Variants in CATSPER3 observed in about 807,000 individuals in gnomAD.
CATSPER3 encodes cation channel sperm-associated protein 3.
Under a neutral mutation model 36.6 loss-of-function variants are expected in CATSPER3, and 23 were observed. The ratio of observed to expected loss-of-function variants is 0.63; its 90% CI spans 0.45 to 0.89. The LOEUF (loss-of-function observed/expected upper bound fraction) is 0.89, where lower values mean the gene tolerates loss of function less well. Ranked by LOEUF, CATSPER3 falls within the 40% of genes least tolerant of loss-of-function variation. The pLI is 0.00. For missense variants in CATSPER3, 474 were observed against 503.9 expected (o/e 0.94, Z 0.57); for synonymous variants, 172 against 184.1 (o/e 0.93, Z 0.53).
At chr5:135,003,090 A>T (rs962262878) in intron 3 of CATSPER3, among the ~76,000 whole-genome samples, 1 of 151,906 alleles carries the variant, frequency 6.6e-6, no homozygotes, top group East Asian at 1.9e-4. Flanking sequence ...GGTTTTATCT[A>T]CCTTTGGTCT....
chr5:134,993,171 T>C (rs1751899237), intron 2 of CATSPER3, among the ~76,000 whole-genome samples: 1 of 152,186 alleles, frequency 6.6e-6, no homozygotes, highest in African/African-American at 2.4e-5. Context: ...GAATGAACCT[T>C]GGAAACATTC....
chr5:134,978,190 T>G (rs573966452), intron 2 of CATSPER3, among the ~76,000 whole-genome samples: 18 of 152,162 alleles, frequency 1.2e-4, no homozygotes, highest in Non-Finnish European at 2.1e-4. Context: ...GGTTGGTTAA[T>G]GAGGTACAAA....
intron 2 of CATSPER3, among the ~76,000 whole-genome samples, chr5:134,980,382 C>T (rs1471175810): frequency 6.8e-6 from 1 of 147,684 alleles, no homozygotes; most frequent in Non-Finnish European, 1.5e-5. Flanking sequence ...CCTTCCCTCC[C>T]TCCTTCCCTC....
intron 2 of CATSPER3, among the ~76,000 whole-genome samples, chr5:134,974,951 G>C (rs1228026309): frequency 3.3e-5 from 5 of 152,100 alleles, no homozygotes; most frequent in Non-Finnish European, 7.4e-5. Context: ...ATGTATCCTG[G>C]TTTAGGGACC....
intron 3 of CATSPER3, among the ~76,000 whole-genome samples, chr5:135,006,622 G>C (rs1167639463): frequency 6.6e-6 from 1 of 152,004 alleles, no homozygotes. Flanking sequence ...GGATCACGAG[G>C]TCGGGAGATC....
At chr5:134,999,979 C>G (rs1486335137) in intron 3 of CATSPER3, among the ~76,000 whole-genome samples, 1 of 152,174 alleles carries the variant, frequency 6.6e-6, no homozygotes, top group Non-Finnish European at 1.5e-5. Flanking sequence ...GCATCCCTGT[C>G]TTGTGCCAGT....
At chr5:134,988,960 A>G (rs1181648785) in intron 2 of CATSPER3, among the ~76,000 whole-genome samples, 1 of 152,216 alleles carries the variant, frequency 6.6e-6, no homozygotes, top group Non-Finnish European at 1.5e-5. Context: ...AAAAGTTGAA[A>G]TGACTCCTTG....
chr5:134,995,991 G>A, intron 2 of CATSPER3: 1 of 500,122 alleles, frequency 2.0e-6, no homozygotes, highest in South Asian at 2.1e-5. Context: ...TTGAGTTGCA[G>A]TATGCTAGAG....
chr5:135,003,945 G>C (rs909336644), intron 3 of CATSPER3, among the ~76,000 whole-genome samples: 37 of 152,216 alleles, frequency 2.4e-4, no homozygotes, highest in African/African-American at 8.9e-4. Context: ...CACTCAGTGG[G>C]CTCCACCCAC....
intron 2 of CATSPER3, among the ~76,000 whole-genome samples, chr5:134,987,636 G>T (rs1448346414): frequency 1.3e-5 from 2 of 152,108 alleles, no homozygotes; most frequent in Non-Finnish European, 2.9e-5. Context: ...TTTATCTCAA[G>T]AAAGCAAGGG....
rs527995985 is a variant in CATSPER3 at position 134,996,651 on chromosome 5, A to G, written c.492+139A>G. 4.5e-5 allele frequency: 34 copies of G among 750,188 alleles called. No individual in the cohort carries two copies. The Middle Eastern group carries it at 1.6e-3, about 35-fold the overall frequency. 46.5% of individuals were successfully genotyped at this position (750,188 alleles called of 1,614,324 possible). A position where few individuals can be genotyped will look rare whatever the true frequency, so the allele number is the denominator to read the frequency against. On this transcript the variant is annotated intron_variant, in intron 3 of 7. Coordinates refer to ENST00000282611, the MANE Select transcript of CATSPER3 (RefSeq NM_178019.3). ...GTGTGTGGCAGGTTGATCTTTACCA[A>G]TATTATCTCATTTAATCTTAAAACA...
chr5:134,999,624 C>G (rs904741909), intron 3 of CATSPER3, among the ~76,000 whole-genome samples: 3 of 152,210 alleles, frequency 2.0e-5, no homozygotes, highest in Non-Finnish European at 2.9e-5. Context: ...AAGTCCTTCA[C>G]ATCCCTTGTA....
intron 2 of CATSPER3, among the ~76,000 whole-genome samples, chr5:134,989,413 T>G (rs1280660372): frequency 2.6e-5 from 4 of 152,244 alleles, no homozygotes; most frequent in African/African-American, 4.8e-5. Context: ...TTTATCTACT[T>G]TGCACATTGA....
At chr5:135,008,693 A>T (rs1386780015) in intron 4 of CATSPER3, 148 bp from the exon 5 acceptor site, 7 of 719,072 alleles carry the variant, frequency 9.7e-6, no homozygotes, top group Non-Finnish European at 1.5e-5. Flanking sequence ...TATGTGCTGG[A>T]GCCAGTGGAC....
At chr5:134,970,420 A>G (rs1751588865) in intron 2 of CATSPER3, among the ~76,000 whole-genome samples, 1 of 152,014 alleles carries the variant, frequency 6.6e-6, no homozygotes, top group African/African-American at 2.4e-5. Context: ...CAGCCTCCCA[A>G]AATGCTGGGA....
chr5:135,006,847 AAAAT>A (rs1157989057), intron 3 of CATSPER3, among the ~76,000 whole-genome samples: 3 of 113,576 alleles, frequency 2.6e-5, no homozygotes, highest in Non-Finnish European at 5.8e-5. Context: ...AAAAAAAAAA[AAAAT>A]AATAATAATA....
intron 2 of CATSPER3, among the ~76,000 whole-genome samples, chr5:134,990,068 T>G (rs1353399071): frequency 2.0e-5 from 3 of 152,186 alleles, no homozygotes; most frequent in Non-Finnish European, 2.9e-5. Flanking sequence ...TTCATTGAGT[T>G]TGCTGTATTA....
chr5:134,968,005 G>A lies in CATSPER3; in HGVS notation c.14G>A (p.Arg5His), dbSNP rs768955658. MSQH[R>H]HQRHSRVISS... ...AAAATTTGGAAAATGTCTCAACACCGTCACCAGCGCCACTCGAGAGTCATT... is the reference window on the plus strand; with the variant it reads ...AAAATTTGGAAAATGTCTCAACACCATCACCAGCGCCACTCGAGAGTCATT... Residue 5 changes from arginine (R) to histidine (H), a missense_variant, in exon 1 of 8, where the codon CGT (arginine) becomes CAT (histidine). Arg to His is a conservative substitution (Grantham distance 29). Coordinates refer to ENST00000282611, the MANE Select transcript of CATSPER3 (RefSeq NM_178019.3). 1.2e-4 allele frequency: 193 copies of A among 1,613,604 alleles called. No homozygotes were observed. Among genetic ancestry groups the A allele is most frequent in the South Asian group, 2.1e-4 (19 of 91,074 alleles).
chr5:134,995,863 G>A (rs1449830376), intron 2 of CATSPER3: 2 of 286,094 alleles, frequency 7.0e-6, no homozygotes, highest in East Asian at 1.6e-4. Flanking sequence ...GTATGATTAA[G>A]TTAATAGATT....
Sources: gnomAD v4.1 joint callset for allele counts (sites outside exome capture counted in the v4.1 genomes callset) on GRCh38, gnomAD v4.1.1 for gene constraint, MANE v1.5 for transcripts, NCBI Gene and HGNC (gene_info 2026-07-23, HGNC 2026-07-21) for gene names.